Variants in IMMP2L observed in about 807,000 individuals in gnomAD.
The protein encoded by IMMP2L is mitochondrial inner membrane protease subunit 2.
Under a neutral mutation model 19.3 loss-of-function variants are expected in IMMP2L, and 18 were observed. That is an observed-to-expected ratio of 0.93 (90% CI 0.64 to 1.38). The LOEUF is 1.38. Among genes scored for constraint, IMMP2L ranks in the 40% most tolerant of loss-of-function variants. IMMP2L has a pLI of 0.00. For synonymous variants in IMMP2L, 76 were observed against 73.0 expected, an observed-to-expected ratio of 1.04 and a Z score of -0.21; for missense variants, 233 against 218.2, an observed-to-expected ratio of 1.07 and a Z score of -0.43.
chr7:110,930,263 T>G (rs1490423748), intron 4 of IMMP2L, among the ~76,000 whole-genome samples: 1 of 152,156 alleles, frequency 6.6e-6, no homozygotes, highest in Non-Finnish European at 1.5e-5. Flanking sequence ...TCCACCAAGG[T>G]TATCCTCTTA....
Position 111,538,860 on chromosome 7 carries a change from G to C in IMMP2L, c.-2-17411C>G, listed in dbSNP as rs192118402. On this transcript the variant is annotated intron_variant, in intron 1 of 5. Coordinates refer to ENST00000405709, the MANE Select transcript of IMMP2L (RefSeq NM_032549.4). ...AAAAGGCTGGGCACAGTGGCTCACG[G>C]CTGTAATCCCAGAATTTTGGGAGGC... Among the ~76,000 whole-genome samples, 262 of 148,254 alleles carry C rather than the reference G, an allele frequency of 1.8e-3. 3 individuals are homozygous for C. The highest frequency in any genetic ancestry group is 6.2e-3 in the African/African-American group (250 of 40,084).
At chr7:110,920,505 T>G (rs1038593899) in intron 4 of IMMP2L, among the ~76,000 whole-genome samples, 4 of 152,238 alleles carry the variant, frequency 2.6e-5, no homozygotes, top group Admixed American at 6.5e-5. Flanking sequence ...TTTGGCTTTT[T>G]GCTTTTTTCA....
At chr7:111,301,390 G>T (rs1584517915) in intron 3 of IMMP2L, among the ~76,000 whole-genome samples, 1 of 149,134 alleles carries the variant, frequency 6.7e-6, no homozygotes. Flanking sequence ...GATATGGTTT[G>T]CAAATATTTT....
rs572573686 is a variant in IMMP2L, at chr7:111,235,697, G to T, written c.239+251541C>A. On this transcript the variant is annotated intron_variant, in intron 3 of 5. Coordinates refer to ENST00000405709, the MANE Select transcript of IMMP2L (RefSeq NM_032549.4). ...TCTGTATCATCTTCTTGTGCTTGGGGTTTTTTTAGTTTCTTCTGAGTTTAT... is the reference window on the plus strand; with the variant it reads ...TCTGTATCATCTTCTTGTGCTTGGGTTTTTTTTAGTTTCTTCTGAGTTTAT... 9.4e-4 allele frequency among the ~76,000 whole-genome samples: 143 copies of T among 151,696 alleles called. 1 individual carries two copies. Among genetic ancestry groups the T allele is most frequent in the African/African-American group, 3.3e-3 (135 of 41,362 alleles).
intron 1 of IMMP2L, among the ~76,000 whole-genome samples, chr7:111,548,482 T>C (rs935085839): frequency 2.0e-5 from 3 of 152,130 alleles, no homozygotes; most frequent in African/African-American, 4.8e-5. Flanking sequence ...TTTAGATATA[T>C]GATACACTTT....
intron 3 of IMMP2L, among the ~76,000 whole-genome samples, chr7:111,323,623 C>T (rs1173138152): frequency 6.6e-6 from 1 of 152,114 alleles, no homozygotes; most frequent in African/African-American, 2.4e-5. Flanking sequence ...CCATTTCACC[C>T]AGCCATCCCA....
chr7:111,488,439 G>C (rs1445400427), intron 2 of IMMP2L, among the ~76,000 whole-genome samples: 1 of 152,036 alleles, frequency 6.6e-6, no homozygotes. Flanking sequence ...TACAATGTCT[G>C]GTTTTCCATT....
intron 5 of IMMP2L, among the ~76,000 whole-genome samples, chr7:110,716,312 G>C (rs955511902): frequency 3.9e-5 from 6 of 152,012 alleles, no homozygotes; most frequent in Non-Finnish European, 7.4e-5. Flanking sequence ...GGTTAATATT[G>C]ATATGTGAGG....
chr7:110,820,782 G>A (rs1455192487), intron 5 of IMMP2L, among the ~76,000 whole-genome samples: 1 of 151,986 alleles, frequency 6.6e-6, no homozygotes, highest in Non-Finnish European at 1.5e-5. Flanking sequence ...ATAAGGGGTG[G>A]TAGGAAGTAC....
intron 3 of IMMP2L, among the ~76,000 whole-genome samples, chr7:111,004,835 TAATAA>T (rs1326372952): frequency 6.6e-6 from 1 of 152,162 alleles, no homozygotes; most frequent in Non-Finnish European, 1.5e-5. Context: ...ATAAATCCAC[TAATAA>T]AATAACAGCA....
At chr7:110,754,338 T>A (rs2130934849) in intron 5 of IMMP2L, among the ~76,000 whole-genome samples, 1 of 152,190 alleles carries the variant, frequency 6.6e-6, no homozygotes, top group South Asian at 2.1e-4. Flanking sequence ...TGACCGGGGT[T>A]AACTAATGGT....
chr7:111,321,591 T>A (rs924654497), intron 3 of IMMP2L, among the ~76,000 whole-genome samples: 2 of 151,924 alleles, frequency 1.3e-5, no homozygotes, highest in African/African-American at 4.8e-5. Flanking sequence ...ATGGGAGTGA[T>A]ATAAAAGGAG....
In IMMP2L at chr7:111,556,018, G is replaced by GTGTGTA. The variant is rs777862357; in HGVS notation, c.-3+5832_-3+5833insTACACA. Among the ~76,000 whole-genome samples the GTGTGTA allele has an allele frequency of 5.9e-4, 54 of 91,316 alleles. 2 individuals are homozygous for GTGTGTA. Among genetic ancestry groups the GTGTGTA allele is most frequent in the East Asian group, 3.1e-3 (7 of 2,282 alleles). The allele number at this position is 91,316 out of a possible 152,430, so 59.9% of individuals were successfully genotyped here. A position where few individuals can be genotyped will look rare whatever the true frequency, so the allele number is the denominator to read the frequency against. On this transcript the variant is annotated intron_variant, in intron 1 of 5. Transcript: ENST00000405709. ...TTAGCCATCCCTCTTCTGTGTGCAT[G>GTGTGTA]TATATATATATATATATACATACCC...
intron 3 of IMMP2L, among the ~76,000 whole-genome samples, chr7:111,060,273 A>G (rs1453314502): frequency 6.6e-6 from 1 of 152,232 alleles, no homozygotes; most frequent in African/African-American, 2.4e-5. Context: ...ACCACCACTC[A>G]AGTTTTAAAA....
chr7:110,915,412 T>C (rs1813494405), intron 4 of IMMP2L, among the ~76,000 whole-genome samples: 1 of 125,528 alleles, frequency 8.0e-6, no homozygotes, highest in African/African-American at 3.0e-5. Context: ...TCTAAAATAG[T>C]CAAATTCATA....
chr7:110,857,723 T>C (rs1563029661), intron 5 of IMMP2L, among the ~76,000 whole-genome samples: 2 of 152,058 alleles, frequency 1.3e-5, no homozygotes, highest in Admixed American at 1.3e-4. Context: ...GGCTCCTCTA[T>C]ATTTGGGTAG....
At chr7:111,483,573 G>C (rs902320916) in intron 3 of IMMP2L, 12 of 152,154 alleles carry the variant, frequency 7.9e-5, no homozygotes, top group African/African-American at 2.9e-4. Flanking sequence ...CAGAAAGAAA[G>C]AGACAGTGAA....
chr7:110,984,685 A>G (rs1465221196), intron 3 of IMMP2L, among the ~76,000 whole-genome samples: 1 of 152,086 alleles, frequency 6.6e-6, no homozygotes, highest in African/African-American at 2.4e-5. Flanking sequence ...AAGACTTCTA[A>G]TATTTTCTTC....
chr7:111,130,612 C>T (rs540624364), intron 3 of IMMP2L, among the ~76,000 whole-genome samples: 1 of 152,160 alleles, frequency 6.6e-6, no homozygotes, highest in African/African-American at 2.4e-5. Context: ...TAAATTAACC[C>T]TCTTAATCCT....
Sources: allele counts gnomAD v4.1 joint callset (sites outside exome capture counted in the v4.1 genomes callset), GRCh38; gene constraint gnomAD v4.1.1; transcripts MANE v1.5; gene names NCBI Gene and HGNC (gene_info 2026-07-23, HGNC 2026-07-21).